Variants in NALF1 observed in about 807,000 individuals in gnomAD.
NALF1 encodes the protein NALCN channel auxiliary factor 1, also known as family with sequence similarity 155 member A.
Under a neutral mutation model 48.4 loss-of-function variants are expected in NALF1, and 3 were observed. The observed-to-expected ratio is 0.06, with a 90% CI of 0.03 to 0.16. The LOEUF is 0.16. Ranked by LOEUF, NALF1 falls within the 10% of genes least tolerant of loss-of-function variation. NALF1 has a pLI of 1.00. For synonymous variants in NALF1, 262 were observed against 245.7 expected (o/e 1.07, Z -0.62); for missense variants, 526 against 571.5 (o/e 0.92, Z 0.81).
intron 1 of NALF1, among the ~76,000 whole-genome samples, chr13:107,797,602 T>C (rs751419511): frequency 6.6e-6 from 1 of 152,210 alleles, no homozygotes; most frequent in Non-Finnish European, 1.5e-5. Context: ...TGAGTCAGTG[T>C]TCTGGGCACT....
intron 1 of NALF1, among the ~76,000 whole-genome samples, chr13:107,722,925 G>A (rs1401489028): frequency 1.3e-5 from 2 of 152,180 alleles, no homozygotes; most frequent in South Asian, 4.1e-4. Context: ...CAATGCTGGT[G>A]CAGGCCCTAA....
At chr13:107,663,124 T>C (rs1041619373) in intron 1 of NALF1, among the ~76,000 whole-genome samples, 1 of 152,346 alleles carries the variant, frequency 6.6e-6, no homozygotes, top group South Asian at 2.1e-4. Context: ...ATGTTGGTAC[T>C]ATATAACTAT....
Position 107,325,853 on chromosome 13 carries a change from CACATATATATATAT to C in NALF1, c.916-115112_916-115099del, listed in dbSNP as rs1198550707. Among the ~76,000 whole-genome samples, 12 of 49,990 alleles carry C rather than the reference CACATATATATATAT, an allele frequency of 2.4e-4. 1 individual carries two copies. In the Admixed American group the frequency reaches 2.8e-3, roughly 12 times the overall value. 32.8% of individuals were successfully genotyped at this position (49,990 alleles called of 152,430 possible). A position where few individuals can be genotyped will look rare whatever the true frequency, so the allele number is the denominator to read the frequency against. ...GAAACTGTGTCTCAACACACACACA[CACATATATATATAT>C]ATATATATATATATATATATACACA... On this transcript the variant is annotated intron_variant, in intron 1 of 2. Coordinates refer to ENST00000375915, the MANE Select transcript of NALF1 (RefSeq NM_001080396.3).
Position 107,373,452 on chromosome 13 carries a change from T to C in NALF1, c.916-162697A>G, listed in dbSNP as rs143245857. 1.6e-4 allele frequency among the ~76,000 whole-genome samples: 25 copies of C among 152,248 alleles called. No homozygotes were observed. The East Asian group carries it at 3.9e-3, about 24-fold the overall frequency. On this transcript the variant is annotated intron_variant, in intron 1 of 2. Coordinates refer to ENST00000375915, the MANE Select transcript of NALF1 (RefSeq NM_001080396.3). ...GTTTTAGTGTCTCAGTGACTTAACA[T>C]TTCAGTGAGAGCTGGGATTCCGATC...
At chr13:107,808,198 GT>G (rs918752276) in intron 1 of NALF1, among the ~76,000 whole-genome samples, 1 of 152,058 alleles carries the variant, frequency 6.6e-6, no homozygotes, top group Non-Finnish European at 1.5e-5. Context: ...AGTAGCCTTT[GT>G]GGGTTATAGG....
At chr13:107,531,829 T>C (rs1409746843) in intron 1 of NALF1, among the ~76,000 whole-genome samples, 2 of 152,158 alleles carry the variant, frequency 1.3e-5, no homozygotes, top group Non-Finnish European at 2.9e-5. Flanking sequence ...TGCCAAAGTT[T>C]TGTGTCATGT....
chr13:107,488,110 G>A (rs921843267), intron 1 of NALF1, among the ~76,000 whole-genome samples: 2 of 151,270 alleles, frequency 1.3e-5, no homozygotes, highest in Non-Finnish European at 2.9e-5. Context: ...GGGGTCAGCT[G>A]TAATATCCCC....
At chr13:107,629,665 C>T (rs1374848808) in intron 1 of NALF1, among the ~76,000 whole-genome samples, 3 of 152,094 alleles carry the variant, frequency 2.0e-5, no homozygotes, top group African/African-American at 7.2e-5. Flanking sequence ...GAGTCCTTCT[C>T]GATAACTCCT....
At chr13:107,229,292 CATG>C (rs1156780316) in intron 1 of NALF1, among the ~76,000 whole-genome samples, 10 of 152,178 alleles carry the variant, frequency 6.6e-5, no homozygotes, top group Admixed American at 3.3e-4. Context: ...CAATACCAAT[CATG>C]ATGATGGGAC....
intron 2 of NALF1, among the ~76,000 whole-genome samples, chr13:107,191,654 A>C (rs986311669): frequency 6.7e-6 from 1 of 150,074 alleles, no homozygotes; most frequent in African/African-American, 2.5e-5. Context: ...AGTAGAACAC[A>C]TTCTTAAAAT....
chr13:107,554,517 T>C (rs16970650), intron 1 of NALF1, among the ~76,000 whole-genome samples: 31,179 of 151,980 alleles, frequency 0.21, 3,324 homozygotes, highest in South Asian at 0.28. Flanking sequence ...CTCAAGAACC[T>C]GTGCAGCCCG....
chr13:107,673,932 T>C (rs1231034329), intron 1 of NALF1, among the ~76,000 whole-genome samples: 31 of 152,236 alleles, frequency 2.0e-4, no homozygotes, highest in Non-Finnish European at 2.9e-5. Flanking sequence ...ACAGATGACT[T>C]AAGTGTTCTC....
chr13:107,516,696 C>CT (rs1333078509), intron 1 of NALF1, among the ~76,000 whole-genome samples: 3 of 152,152 alleles, frequency 2.0e-5, no homozygotes, highest in Non-Finnish European at 4.4e-5. Context: ...TGCAGGGACT[C>CT]TGAGTGCAAT....
intron 1 of NALF1, among the ~76,000 whole-genome samples, chr13:107,292,353 A>G (rs1210080981): frequency 6.6e-6 from 1 of 152,242 alleles, no homozygotes; most frequent in Admixed American, 6.5e-5. Context: ...CTAGGATATT[A>G]CTGTACACTA....
chr13:107,859,625 G>A (rs528989520), intron 1 of NALF1, among the ~76,000 whole-genome samples: 5 of 152,210 alleles, frequency 3.3e-5, no homozygotes, highest in East Asian at 3.9e-4. Flanking sequence ...CAGAGTAGGC[G>A]GGTGCGGTGG....
chr13:107,773,747 A>AGGGGGGG (rs1877647176), intron 1 of NALF1, among the ~76,000 whole-genome samples: 1 of 72,022 alleles, frequency 1.4e-5, no homozygotes, highest in Admixed American at 1.7e-4. Flanking sequence ...GGGGAGGGGG[A>AGGGGGGG]GGGATAGCAT....
intron 1 of NALF1, among the ~76,000 whole-genome samples, chr13:107,383,722 G>C (rs1883479119): frequency 6.6e-6 from 1 of 152,168 alleles, no homozygotes; most frequent in South Asian, 2.1e-4. Flanking sequence ...AGACCAATTT[G>C]CCTGACAACA....
At chr13:107,229,570 T>C (rs1342196409) in intron 1 of NALF1, among the ~76,000 whole-genome samples, 1 of 152,016 alleles carries the variant, frequency 6.6e-6, no homozygotes, top group Non-Finnish European at 1.5e-5. Context: ...GGGTAAGGAG[T>C]CCACAGGAGA....
At chr13:107,473,688 T>C (rs1017262731) in intron 1 of NALF1, among the ~76,000 whole-genome samples, 2 of 152,108 alleles carry the variant, frequency 1.3e-5, no homozygotes, top group African/African-American at 4.8e-5. Flanking sequence ...CAGATTTAGA[T>C]TCTCATAGTC....
Sources: gnomAD v4.1 joint callset for allele counts (sites outside exome capture counted in the v4.1 genomes callset) on GRCh38, gnomAD v4.1.1 for gene constraint, MANE v1.5 for transcripts, NCBI Gene and HGNC (gene_info 2026-07-23, HGNC 2026-07-21) for gene names.